The following CREB5 variants were observed in gnomAD, a reference collection of about 807,000 sequenced individuals.
CREB5 encodes the protein cyclic AMP-responsive element-binding protein 5.
A neutral mutation model predicts 57.1 loss-of-function variants in CREB5; 19 were observed. That is an observed-to-expected ratio of 0.33 (90% CI 0.23 to 0.49). The LOEUF (loss-of-function observed/expected upper bound fraction) is 0.49. Among genes scored for constraint, CREB5 ranks in the 20% least tolerant of loss-of-function variants. The pLI is 0.99. For synonymous variants in CREB5, 238 were observed against 238.3 expected (o/e 1.00, Z 0.01); for missense variants, 579 against 671.6 (o/e 0.86, Z 1.52).
chr7:28,772,702 AC>A (rs1220222280), intron 7 of CREB5, among the ~76,000 whole-genome samples: 1 of 152,198 alleles, frequency 6.6e-6, no homozygotes, highest in Non-Finnish European at 1.5e-5. Context: ...CCTTTATAGA[AC>A]ACTAGCACTC....
At chr7:28,601,167 TTA>T (rs1028793628) in intron 5 of CREB5, among the ~76,000 whole-genome samples, 13 of 150,222 alleles carry the variant, frequency 8.7e-5, no homozygotes, top group African/African-American at 3.3e-4. Context: ...CTTATTATTA[TTA>T]TTTTTTTTTT....
At chr7:28,308,747 G>C (rs1562650619) in intron 1 of CREB5, among the ~76,000 whole-genome samples, 1 of 152,152 alleles carries the variant, frequency 6.6e-6, no homozygotes, top group Non-Finnish European at 1.5e-5. Context: ...TAATGACCTA[G>C]GTCTTCATCC....
At chr7:28,633,409 A>G (rs1798282289) in intron 5 of CREB5, among the ~76,000 whole-genome samples, 1 of 152,164 alleles carries the variant, frequency 6.6e-6, no homozygotes, top group Non-Finnish European at 1.5e-5. Flanking sequence ...GTAATGAAAT[A>G]TAGAAAATCA....
intron 1 of CREB5, among the ~76,000 whole-genome samples, chr7:28,347,206 T>C (rs540685046): frequency 4.3e-4 from 65 of 152,346 alleles, no homozygotes; most frequent in African/African-American, 1.6e-3. Flanking sequence ...CTTAAGGCAC[T>C]GATGTAATTT....
chr7:28,596,623 A>G (rs1199576217), intron 5 of CREB5, among the ~76,000 whole-genome samples: 1 of 152,232 alleles, frequency 6.6e-6, no homozygotes, highest in Non-Finnish European at 1.5e-5. Flanking sequence ...GTGAACCTGT[A>G]GCCAGCTAGA....
chr7:28,574,625 G>C (rs1359076834), intron 5 of CREB5, among the ~76,000 whole-genome samples: 3 of 152,188 alleles, frequency 2.0e-5, no homozygotes. Flanking sequence ...TATCAGTACA[G>C]AGCTCTGACG....
chr7:28,524,624 G>T (rs1793360498), intron 4 of CREB5, among the ~76,000 whole-genome samples: 1 of 152,158 alleles, frequency 6.6e-6, no homozygotes, highest in Non-Finnish European at 1.5e-5. Context: ...TTGAAAGCAA[G>T]AAGAATTTTA....
At chr7:28,569,231 C>T (rs1463284719) in intron 4 of CREB5, among the ~76,000 whole-genome samples, 1 of 151,252 alleles carries the variant, frequency 6.6e-6, no homozygotes, top group Non-Finnish European at 1.5e-5. Context: ...GAGGTGTAAT[C>T]CTGGCTTACT....
intron 1 of CREB5, among the ~76,000 whole-genome samples, chr7:28,386,847 A>G (rs75681189): frequency 0.011 from 1,603 of 152,204 alleles, 24 homozygotes; most frequent in Non-Finnish European, 0.012. Flanking sequence ...CTGTTCCTGC[A>G]TTAGTTTGCT....
chr7:28,339,178 G>C (rs1351559539), intron 1 of CREB5, among the ~76,000 whole-genome samples: 2 of 152,128 alleles, frequency 1.3e-5, no homozygotes, highest in Non-Finnish European at 2.9e-5. Context: ...CTTGATGCTT[G>C]TAGATGTTTG....
intron 5 of CREB5, among the ~76,000 whole-genome samples, chr7:28,625,672 C>G (rs1583439964): frequency 6.6e-6 from 1 of 152,066 alleles, no homozygotes; most frequent in Non-Finnish European, 1.5e-5. Context: ...GTTATGTGTG[C>G]TAGGATGAAA....
chr7:28,739,954 C>G (rs1804240501), intron 7 of CREB5, among the ~76,000 whole-genome samples: 1 of 152,198 alleles, frequency 6.6e-6, no homozygotes, highest in Non-Finnish European at 1.5e-5. Flanking sequence ...ATAGAGATCT[C>G]ATTCGGCCGT....
Position 28,433,134 on chromosome 7 carries a change from A to G in CREB5, c.3+20217A>G, listed in dbSNP as rs116979571. On this transcript the variant is annotated intron_variant, in intron 1 of 10. Coordinates refer to ENST00000357727, the MANE Select transcript of CREB5 (RefSeq NM_182898.4). ...GTAATAAATAATATTGTGATAAGCC[A>G]TCTTGCACATAACCCTTTATCTGCA... Among the ~76,000 whole-genome samples the G allele has an allele frequency of 2.0e-4, 30 of 152,318 alleles. 1 individual carries two copies. In the East Asian group the frequency reaches 5.0e-3, roughly 25 times the overall value.
intron 1 of CREB5, among the ~76,000 whole-genome samples, chr7:28,416,184 T>G (rs971479928): frequency 6.6e-6 from 1 of 152,236 alleles, no homozygotes; most frequent in Non-Finnish European, 1.5e-5. Context: ...GCTGTTTGCA[T>G]GCGATTTTAT....
At chr7:28,732,845 T>TTTTTG (rs1312717915) in intron 7 of CREB5, among the ~76,000 whole-genome samples, 15 of 150,072 alleles carry the variant, frequency 1.0e-4, no homozygotes, top group Admixed American at 1.0e-3. Flanking sequence ...TTAGGGTTGT[T>TTTTTG]TTTTTTTTTT....
chr7:28,343,388 T>C (rs999971068), intron 1 of CREB5, among the ~76,000 whole-genome samples: 21 of 152,324 alleles, frequency 1.4e-4, no homozygotes, highest in African/African-American at 5.1e-4. Flanking sequence ...ACTTTTCTGT[T>C]CTCCATTTCT....
intron 1 of CREB5, among the ~76,000 whole-genome samples, chr7:28,446,521 G>A (rs566672922): frequency 2.6e-5 from 4 of 152,180 alleles, no homozygotes; most frequent in East Asian, 1.9e-4. Flanking sequence ...GTCCGGGCGT[G>A]GTGGCTCACA....
chr7:28,786,625 G>T (rs1583742377), intron 7 of CREB5, among the ~76,000 whole-genome samples: 1 of 152,188 alleles, frequency 6.6e-6, no homozygotes, highest in South Asian at 2.1e-4. Context: ...AAGATAGGGT[G>T]GGGATGGGAG....
At chr7:28,325,327 C>T (rs572320590) in intron 1 of CREB5, among the ~76,000 whole-genome samples, 164 of 152,102 alleles carry the variant, frequency 1.1e-3, no homozygotes, top group African/African-American at 3.5e-3. Flanking sequence ...TGGTGGCGGG[C>T]GCCTGTGGTC....
Sources: gnomAD v4.1 joint callset for allele counts (sites outside exome capture counted in the v4.1 genomes callset) on GRCh38, gnomAD v4.1.1 for gene constraint, MANE v1.5 for transcripts, NCBI Gene and HGNC (gene_info 2026-07-23, HGNC 2026-07-21) for gene names.